The following PKIB variants were observed in gnomAD, a reference collection of about 807,000 sequenced individuals.
PKIB encodes the protein PKI-beta.
In PKIB, 2 loss-of-function variants were observed where a neutral mutation model predicts 4.5. The observed-to-expected ratio is 0.44, with a 90% confidence interval of 0.18 to 1.39. The LOEUF (loss-of-function observed/expected upper bound fraction) is 1.39, where lower values mean the gene tolerates loss of function less well. PKIB is among the 40% of genes most tolerant of loss of function. The pLI is 0.27. For synonymous variants in PKIB, 38 were observed against 36.0 expected, an observed-to-expected ratio of 1.06 and a Z score of -0.20; for missense variants, 94 against 92.6, an observed-to-expected ratio of 1.02 and a Z score of -0.06.
upstream of PKIB, among the ~76,000 whole-genome samples, chr6:122,607,643 C>A (rs554862491): frequency 6.6e-6 from 1 of 152,342 alleles, no homozygotes; most frequent in African/African-American, 2.4e-5. Context: ...AAAAATACCA[C>A]CAACCTCATA....
intron 2 of PKIB, among the ~76,000 whole-genome samples, chr6:122,497,669 A>G (rs765386675): frequency 1.3e-5 from 2 of 152,240 alleles, no homozygotes; most frequent in African/African-American, 4.8e-5. Context: ...AGACTGAACT[A>G]TCCTAAATAT....
chr6:122,567,476 C>T (rs1490882643), intron 2 of PKIB, among the ~76,000 whole-genome samples: 1 of 152,192 alleles, frequency 6.6e-6, no homozygotes, highest in African/African-American at 2.4e-5. Flanking sequence ...ACTATCTATA[C>T]TTGAAGCTTC....
intron 1 of PKIB, among the ~76,000 whole-genome samples, chr6:122,476,142 C>T (rs898503748): frequency 6.6e-6 from 1 of 152,086 alleles, no homozygotes; most frequent in Non-Finnish European, 1.5e-5. Flanking sequence ...TTGGCCCCCC[C>T]ACAGTAGTTA....
chr6:122,485,720 C>T (rs1028988659), intron 2 of PKIB, among the ~76,000 whole-genome samples: 6 of 152,076 alleles, frequency 3.9e-5, no homozygotes, highest in African/African-American at 4.8e-5. Context: ...AGTGTTAAAG[C>T]GGAAGGATGG....
At chr6:122,561,749 G>A (rs1773018286) in intron 2 of PKIB, among the ~76,000 whole-genome samples, 1 of 151,918 alleles carries the variant, frequency 6.6e-6, no homozygotes, top group African/African-American at 2.4e-5. Flanking sequence ...CTCGCTTTTG[G>A]TGTCCATTTG....
chr6:122,620,550 A>G (rs1775184636), intron 1 of PKIB, among the ~76,000 whole-genome samples: 1 of 152,174 alleles, frequency 6.6e-6, no homozygotes, highest in Non-Finnish European at 1.5e-5. Context: ...ATTTGAGAAT[A>G]TTGTTGCATA....
At chr6:122,476,030 G>A (rs1775444120) in intron 1 of PKIB, among the ~76,000 whole-genome samples, 2 of 151,994 alleles carry the variant, frequency 1.3e-5, no homozygotes, top group East Asian at 1.9e-4. Context: ...CAGATTTTAA[G>A]GAAAATAATC....
intron 2 of PKIB, among the ~76,000 whole-genome samples, chr6:122,584,124 G>GA (rs1338366901): frequency 6.6e-6 from 1 of 152,164 alleles, no homozygotes; most frequent in African/African-American, 2.4e-5. Context: ...TTGACAGTGT[G>GA]AAAAAACTAA....
intron 2 of PKIB, among the ~76,000 whole-genome samples, chr6:122,501,378 G>A (rs1776231169): frequency 6.6e-6 from 1 of 152,176 alleles, no homozygotes; most frequent in Non-Finnish European, 1.5e-5. Flanking sequence ...GGTTCTCTGT[G>A]ATGGCTCTGC....
intron 2 of PKIB, among the ~76,000 whole-genome samples, chr6:122,501,981 T>TTG (rs1201979063): frequency 1.3e-5 from 2 of 151,292 alleles, no homozygotes; most frequent in African/African-American, 4.9e-5. Flanking sequence ...AGATGGAGTT[T>TTG]TGCTCTTGTT....
At chr6:122,556,142 C>T (rs1772832148) in intron 2 of PKIB, among the ~76,000 whole-genome samples, 2 of 152,160 alleles carry the variant, frequency 1.3e-5, no homozygotes, top group African/African-American at 2.4e-5. Flanking sequence ...AGTGAGTTCT[C>T]ATGAGATCTG....
intron 2 of PKIB, among the ~76,000 whole-genome samples, chr6:122,577,779 G>T (rs1773589610): frequency 6.6e-6 from 1 of 151,690 alleles, no homozygotes; most frequent in Admixed American, 6.6e-5. Flanking sequence ...CGTGGTGGTG[G>T]CCGCCTGTAG....
intron 2 of PKIB, among the ~76,000 whole-genome samples, chr6:122,485,270 A>G (rs1307055190): frequency 6.6e-6 from 1 of 152,070 alleles, no homozygotes; most frequent in Non-Finnish European, 1.5e-5. Context: ...TGAGAATAAA[A>G]TGAGACAAAA....
chr6:122,625,250 G>A (rs1206595625), intron 1 of PKIB, among the ~76,000 whole-genome samples: 1 of 152,106 alleles, frequency 6.6e-6, no homozygotes, highest in African/African-American at 2.4e-5. Context: ...ATTTTTATCA[G>A]TTCCTTTTTA....
At chr6:122,542,248 G>C (rs1381670797) in intron 2 of PKIB, among the ~76,000 whole-genome samples, 2 of 152,036 alleles carry the variant, frequency 1.3e-5, no homozygotes, top group Non-Finnish European at 2.9e-5. Flanking sequence ...CTTTGGAGGA[G>C]GAGAGGCACT....
At chr6:122,491,000 G>GA (rs1775921395) in intron 2 of PKIB, among the ~76,000 whole-genome samples, 1 of 152,072 alleles carries the variant, frequency 6.6e-6, no homozygotes, top group Admixed American at 6.5e-5. Context: ...CTCCTCAGAA[G>GA]AAAAAATTTG....
intron 2 of PKIB, among the ~76,000 whole-genome samples, chr6:122,526,298 G>C (rs1172114356): frequency 6.6e-6 from 1 of 152,084 alleles, no homozygotes. Context: ...CTCTTCCCGT[G>C]AATTACAAAC....
At chr6:122,600,557 A>G (rs988500580) in intron 3 of PKIB, among the ~76,000 whole-genome samples, 1 of 150,696 alleles carries the variant, frequency 6.6e-6, no homozygotes, top group Non-Finnish European at 1.5e-5. Flanking sequence ...CATCAGATAG[A>G]GTATTCAAAA....
chr6:122,699,503 G>A (rs970580151), intron 3 of PKIB, among the ~76,000 whole-genome samples: 5 of 151,962 alleles, frequency 3.3e-5, no homozygotes, highest in Admixed American at 3.3e-4. Context: ...GCAGTCTACT[G>A]TGCTGCACCA....
Sources: allele counts gnomAD v4.1 joint callset (sites outside exome capture counted in the v4.1 genomes callset), GRCh38; gene constraint gnomAD v4.1.1; transcripts MANE v1.5; gene names NCBI Gene and HGNC (gene_info 2026-07-23, HGNC 2026-07-21).